SBNO2: variants seen among roughly 807,000 people sequenced by gnomAD.
SBNO2 encodes the protein protein strawberry notch homolog 2.
A neutral mutation model predicts 146.3 loss-of-function variants in SBNO2; 89 were observed. That is an observed-to-expected ratio of 0.61 (90% CI 0.51 to 0.73). SBNO2 has a LOEUF of 0.73. SBNO2 is among the 30% of genes least tolerant of loss of function. SBNO2 has a pLI of 0.00. For missense variants in SBNO2, 2,092 were observed against 2,003.7 expected (o/e 1.04, Z -0.84); for synonymous variants, 1,147 against 892.6 (o/e 1.29, Z -5.08).
chr19:1,158,294 A>C lies in SBNO2; in HGVS notation c.-126-3892T>G, dbSNP rs113789460. On this transcript the variant is annotated intron_variant, in intron 1 of 31. Coordinates refer to ENST00000361757, the MANE Select transcript of SBNO2 (RefSeq NM_014963.3). This position sits in a 1 kb window ranked among gnomAD's most constrained non-coding sequence, Gnocchi z 9.9. ...TGCAGATGGGGAGCTGTGTCCTCGG[A>C]GCCCGGTTCTCCTGCCGTCCTCTCG... Among the ~76,000 whole-genome samples, 1 of 152,078 alleles carries C rather than the reference A, an allele frequency of 6.6e-6. No homozygotes were observed. The highest frequency in any genetic ancestry group is 1.5e-5 in the Non-Finnish European group (1 of 68,000).
At chr19:1,135,769 G>A (rs1487973171) in intron 4 of SBNO2, among the ~76,000 whole-genome samples, 1 of 152,218 alleles carries the variant, frequency 6.6e-6, no homozygotes, top group Non-Finnish European at 1.5e-5. Flanking sequence ...GGGGATGGGA[G>A]GGGCTCCTCC....
At chr19:1,124,212 A>C in intron 5 of SBNO2, 190 bp from the exon 6 acceptor site, 1 of 626,684 alleles carries the variant, frequency 1.6e-6, no homozygotes, top group Non-Finnish European at 2.8e-6. Flanking sequence ...AAGCCTCCCC[A>C]GTGGGCACCT....
At chr19:1,174,148 C>G (rs1647911984) in intron 1 of SBNO2, 24 bp downstream of exon 1, 1 of 151,580 alleles carries the variant, frequency 6.6e-6, no homozygotes, top group Non-Finnish European at 1.5e-5. Context: ...GGAGCCGGGG[C>G]GGGGGTCGCA....
intron 2 of SBNO2, 51 bp from the exon 3 acceptor site, chr19:1,149,493 CAGCCCGGCTA>C: frequency 1.3e-6 from 2 of 1,509,724 alleles, no homozygotes. Context: ...ACCTGCGGTG[CAGCCCGGCTA>C]AGCCCTCCGG....
chr19:1,119,438 C>T, intron 13 of SBNO2, 78 bp downstream of exon 13: 1 of 1,174,530 alleles, frequency 8.5e-7, no homozygotes, highest in Non-Finnish European at 1.2e-6. Flanking sequence ...CGTGGCAGTG[C>T]CAGGCCTTGG....
intron 15 of SBNO2, among the ~76,000 whole-genome samples, 180 bp from the exon 16 acceptor site, chr19:1,117,106 G>A (rs557658918): frequency 6.6e-6 from 1 of 152,288 alleles, no homozygotes; most frequent in South Asian, 2.1e-4. Context: ...CCGGCTGCCT[G>A]TCTCGGGATG....
chr19:1,123,869 T>C, intron 6 of SBNO2, 73 bp downstream of exon 6: 3 of 1,445,208 alleles, frequency 2.1e-6, no homozygotes, highest in Non-Finnish European at 1.9e-6. Context: ...ACAATGGAGA[T>C]GCCTGTGCTG....
At chr19:1,113,443 C>T in intron 19 of SBNO2, 92 bp downstream of exon 19, 1 of 1,140,676 alleles carries the variant, frequency 8.8e-7, no homozygotes, top group Non-Finnish European at 1.2e-6. Context: ...GAGTGACCAG[C>T]AGGGGCCACC....
Position 1,123,300 on chromosome 19 carries a change from G to A in SBNO2, c.628+234C>T, listed in dbSNP as rs180803929. ...GGGCGTGGCCAGCGGCTTGCAGGAG[G>A]GGCAAATGCATAAAAATCCTCCCAG... On this transcript the variant is annotated intron_variant, in intron 7 of 31. Transcript: ENST00000361757. Among the ~76,000 whole-genome samples, 135 of 152,186 alleles carry A rather than the reference G, an allele frequency of 8.9e-4. 1 individual carries two copies. In the East Asian group the frequency reaches 0.025, roughly 28 times the overall value.
intron 4 of SBNO2, among the ~76,000 whole-genome samples, chr19:1,141,962 T>G (rs956340599): frequency 2.0e-5 from 3 of 150,090 alleles, no homozygotes; most frequent in African/African-American, 7.4e-5. Context: ...AGGGGCAGAA[T>G]CTCCCAGGCA....
rs1397699302 is a variant in SBNO2 at position 1,108,143 on chromosome 19, T to G, written c.*77A>C. 1 of 1,401,978 alleles carries G rather than the reference T, an allele frequency of 7.1e-7. No individual in the cohort carries two copies. The highest frequency in any genetic ancestry group is 9.4e-7 in the Non-Finnish European group (1 of 1,059,602). 86.8% of individuals were successfully genotyped at this position (1,401,978 alleles called of 1,614,324 possible). The stretch of plus-strand genomic sequence containing the variant: ...TCCTCTGAGCAGTGGTCAGGGGACC[T>G]TGGCCCTGCTCCCCACCGCTGCTCC... On this transcript the variant is annotated 3_prime_UTR_variant, in exon 32 of 32. Coordinates refer to ENST00000361757, the MANE Select transcript of SBNO2 (RefSeq NM_014963.3).
At chr19:1,138,414 C>G (rs1168936109) in intron 4 of SBNO2, among the ~76,000 whole-genome samples, 1 of 151,894 alleles carries the variant, frequency 6.6e-6, no homozygotes, top group Non-Finnish European at 1.5e-5. Flanking sequence ...ACCCAACACC[C>G]CCCAGCCAGA....
Position 1,155,851 on chromosome 19 carries a change from C to T in SBNO2, c.-126-1449G>A, listed in dbSNP as rs141775765. On this transcript the variant is annotated intron_variant, in intron 1 of 31. Coordinates refer to ENST00000361757, the MANE Select transcript of SBNO2 (RefSeq NM_014963.3). ...GGGTGGCCCACCCCCTGCCTTGGGGCTCAGCAGCCCCTCCCCTGCAGGGAC... is the reference window on the plus strand; with the variant it reads ...GGGTGGCCCACCCCCTGCCTTGGGGTTCAGCAGCCCCTCCCCTGCAGGGAC... 4.0e-4 allele frequency among the ~76,000 whole-genome samples: 61 copies of T among 152,262 alleles called. No individual in the cohort carries two copies. In the East Asian group the frequency reaches 0.012, roughly 29 times the overall value.
chr19:1,139,041 G>C (rs1274383730), intron 4 of SBNO2, among the ~76,000 whole-genome samples: 1 of 152,012 alleles, frequency 6.6e-6, no homozygotes, highest in Non-Finnish European at 1.5e-5. Context: ...CGTCTATCAT[G>C]AACAAAAACA....
At position 1,110,584 on chromosome 19, in the gene SBNO2, G is replaced by C. The variant is rs916129220; in HGVS notation, c.3028+161C>G. Reference sequence around the variant, plus strand: ...CACCTGGGATGCCCGGCGTTCCCACGAGCCCCTCGCCCACCCGGGATGCAC... The same window carrying C: ...CACCTGGGATGCCCGGCGTTCCCACCAGCCCCTCGCCCACCCGGGATGCAC... On this transcript the variant is annotated intron_variant, in intron 26 of 31. Transcript: ENST00000361757. The surrounding 1 kb of genome is among the most constrained non-coding windows in gnomAD (Gnocchi z 4.9). 1.8e-5 allele frequency: 14 copies of C among 799,066 alleles called. No individual in the cohort carries two copies. Among genetic ancestry groups the C allele is most frequent in the Non-Finnish European group, 2.3e-5 (13 of 561,288 alleles). The allele number at this position is 799,066 out of a possible 1,614,324, so 49.5% of individuals were successfully genotyped here. A position where few individuals can be genotyped will look rare whatever the true frequency, so the allele number is the denominator to read the frequency against.
intron 19 of SBNO2, 39 bp downstream of exon 19, chr19:1,113,496 G>T: frequency 2.0e-5 from 29 of 1,485,632 alleles, no homozygotes; most frequent in Non-Finnish European, 2.5e-5. Flanking sequence ...CACTGCCCAT[G>T]CCCCGCCCAC....
At position 1,147,433 on chromosome 19, in the gene SBNO2, G is replaced by A. The variant is rs767608646; in HGVS notation, c.168-13C>T. 44 of 498,708 alleles carry A rather than the reference G, an allele frequency of 8.8e-5. No homozygotes were observed. The highest frequency in any genetic ancestry group is 7.7e-4 in the South Asian group (21 of 27,314). The allele number at this position is 498,708 out of a possible 1,614,324, so 30.9% of individuals were successfully genotyped here. ...GCTCATGAACGGGCTGGAGGGAGATGGGGGGGGGGGAGGTGAGATGGGGTG... is the reference window on the plus strand; with the variant it reads ...GCTCATGAACGGGCTGGAGGGAGATAGGGGGGGGGGAGGTGAGATGGGGTG... On this transcript the variant is annotated splice_polypyrimidine_tract_variant and intron_variant, in intron 3 of 31. Transcript: ENST00000361757.
chr19:1,131,612 G>A (rs2145253508), intron 4 of SBNO2, among the ~76,000 whole-genome samples: 1 of 152,308 alleles, frequency 6.6e-6, no homozygotes, highest in South Asian at 2.1e-4. Context: ...TGCGCCACCA[G>A]AGCCAGCCCT....
intron 1 of SBNO2, among the ~76,000 whole-genome samples, chr19:1,167,453 G>A (rs943934896): frequency 1.3e-5 from 2 of 152,232 alleles, no homozygotes; most frequent in Non-Finnish European, 2.9e-5. Context: ...GCTCGGCCGG[G>A]GGCGGGATTC....
Sources: gnomAD v4.1 joint callset for allele counts (sites outside exome capture counted in the v4.1 genomes callset) on GRCh38, gnomAD v4.1.1 for gene constraint, Gnocchi (gnomAD v3.1) non-coding constraint, MANE v1.5 for transcripts, NCBI Gene and HGNC (gene_info 2026-07-23, HGNC 2026-07-21) for gene names.